The following TAF4 variants were observed in gnomAD, a reference collection of about 807,000 sequenced individuals.
The protein encoded by TAF4 is TATA-box binding protein associated factor 4, also known as transcription initiation factor TFIID subunit 4.
In TAF4, 9 loss-of-function variants were observed where a neutral mutation model predicts 90.3. That is an observed-to-expected ratio of 0.10 (90% CI 0.06 to 0.17). TAF4 has a LOEUF of 0.17. Ranked by LOEUF, TAF4 falls within the 10% of genes least tolerant of loss-of-function variation. The pLI, the probability that TAF4 is intolerant of heterozygous loss-of-function variation, is 1.00. For synonymous variants in TAF4, 818 were observed against 638.9 expected (o/e 1.28, Z -4.23); for missense variants, 1,351 against 1,370.7 (o/e 0.99, Z 0.23).
At chr20:62,000,000 G>C (rs112765820) in intron 11 of TAF4, 124 bp downstream of exon 11, 42 of 1,196,256 alleles carry the variant, frequency 3.5e-5, no homozygotes, top group Non-Finnish European at 4.9e-5. Flanking sequence ...AAACACGTTC[G>C]TAAGGAACAT....
chr20:62,038,158 G>A (rs1053888668), intron 1 of TAF4, among the ~76,000 whole-genome samples: 2 of 152,106 alleles, frequency 1.3e-5, no homozygotes, highest in Middle Eastern at 3.4e-3. Flanking sequence ...CCTCCAGGTG[G>A]CTGGGACTAC....
At chr20:62,000,069 C>T in intron 11 of TAF4, 55 bp downstream of exon 11, 1 of 1,613,598 alleles carries the variant, frequency 6.2e-7, no homozygotes. Flanking sequence ...TCCCAGCCAG[C>T]AGAGAGTGGG....
At chr20:62,056,426 T>C (rs1413167130) in intron 1 of TAF4, among the ~76,000 whole-genome samples, 1 of 152,158 alleles carries the variant, frequency 6.6e-6, no homozygotes, top group Non-Finnish European at 1.5e-5. Context: ...TTTAAAAGTG[T>C]AATCTGGTGG....
intron 1 of TAF4, among the ~76,000 whole-genome samples, chr20:62,056,974 G>A (rs572726542): frequency 5.3e-5 from 8 of 152,280 alleles, no homozygotes; most frequent in African/African-American, 1.7e-4. Context: ...CCAAAGCAAG[G>A]CAGGCCTGTG....
At chr20:62,034,179 A>T (rs1338779939) in intron 1 of TAF4, among the ~76,000 whole-genome samples, 1 of 152,262 alleles carries the variant, frequency 6.6e-6, no homozygotes, top group Admixed American at 6.5e-5. Flanking sequence ...TACAATTGTC[A>T]TTAATTGCAT....
At chr20:61,988,205 G>C (rs964203197) in intron 14 of TAF4, among the ~76,000 whole-genome samples, 9 of 152,164 alleles carry the variant, frequency 5.9e-5, no homozygotes, top group Non-Finnish European at 1.3e-4. Context: ...GGGAACTATG[G>C]AAGCTGGGTG....
chr20:62,026,069 G>A (rs1196856644), intron 1 of TAF4, among the ~76,000 whole-genome samples: 7 of 152,238 alleles, frequency 4.6e-5, no homozygotes, highest in African/African-American at 1.2e-4. Context: ...AACCCTCCCG[G>A]CAAAAAATAA....
chr20:62,021,666 T>C lies in TAF4; in HGVS notation c.1361-6959A>G, dbSNP rs1308072052. Among the ~76,000 whole-genome samples the C allele has an allele frequency of 2.0e-5, 3 of 152,198 alleles. 1 individual carries two copies. The highest frequency in any genetic ancestry group is 1.3e-4 in the Admixed American group (2 of 15,284). ...AGGTGGCTGTACAGGCAGGGCCATG[T>C]GGATACACGTTCCAAAGTGGTCCCC... On this transcript the variant is annotated intron_variant, in intron 1 of 14. Transcript: ENST00000252996.
At chr20:62,030,904 C>T (rs1323934938) in intron 1 of TAF4, among the ~76,000 whole-genome samples, 2 of 152,166 alleles carry the variant, frequency 1.3e-5, no homozygotes, top group Non-Finnish European at 2.9e-5. Flanking sequence ...ATACGATGGC[C>T]TCCTTCACCT....
At chr20:61,982,705 C>T (rs2055557900) in intron 14 of TAF4, among the ~76,000 whole-genome samples, 1 of 142,180 alleles carries the variant, frequency 7.0e-6, no homozygotes, top group African/African-American at 2.6e-5. Flanking sequence ...AAACCCACAC[C>T]CCACCCGAGA....
At chr20:62,048,924 A>T (rs1165563055) in intron 1 of TAF4, among the ~76,000 whole-genome samples, 1 of 97,756 alleles carries the variant, frequency 1.0e-5, no homozygotes, top group Non-Finnish European at 2.0e-5. Context: ...TTGGTCACCA[A>T]GCTCCATCGT....
intron 1 of TAF4, among the ~76,000 whole-genome samples, chr20:62,059,678 C>G (rs573718449): frequency 3.3e-5 from 5 of 152,340 alleles, no homozygotes; most frequent in African/African-American, 1.2e-4. Flanking sequence ...GCTGCCTGAG[C>G]CGGGCACCAC....
At chr20:62,060,112 G>A (rs1052467491) in intron 1 of TAF4, among the ~76,000 whole-genome samples, 11 of 152,324 alleles carry the variant, frequency 7.2e-5, no homozygotes, top group South Asian at 2.1e-4. Flanking sequence ...ATGTCTAAGG[G>A]GCAACTTCCA....
At chr20:62,053,632 A>G (rs1340685127) in intron 1 of TAF4, among the ~76,000 whole-genome samples, 2 of 152,202 alleles carry the variant, frequency 1.3e-5, no homozygotes, top group Admixed American at 1.3e-4. Flanking sequence ...CAGATCCACA[A>G]GGTCTCACCT....
chr20:62,003,701 T>C, intron 8 of TAF4, 30 bp downstream of exon 8: 1 of 1,550,580 alleles, frequency 6.4e-7, no homozygotes, highest in Non-Finnish European at 8.7e-7. Flanking sequence ...CCCTTGGTGT[T>C]GAGCGGCCAG....
At chr20:62,064,150 G>A (rs979415794) in intron 1 of TAF4, among the ~76,000 whole-genome samples, 4 of 152,214 alleles carry the variant, frequency 2.6e-5, no homozygotes, top group Non-Finnish European at 5.9e-5. Context: ...AGCAGGTAAG[G>A]ACCACTCCAC....
At chr20:62,057,111 C>CA (rs2056069075) in intron 1 of TAF4, among the ~76,000 whole-genome samples, 1 of 152,210 alleles carries the variant, frequency 6.6e-6, no homozygotes, top group Admixed American at 6.5e-5. Flanking sequence ...CACTTTACTG[C>CA]AAAGTCAGAA....
intron 9 of TAF4, among the ~76,000 whole-genome samples, chr20:62,001,957 G>A (rs1237439220): frequency 1.3e-5 from 2 of 152,160 alleles, no homozygotes; most frequent in Non-Finnish European, 2.9e-5. Flanking sequence ...CCAGGACCCT[G>A]CGGTGAACAA....
chr20:61,998,849 C>G lies in TAF4; in HGVS notation c.2913+134G>C, dbSNP rs1031023218. 8 of 1,118,420 alleles carry G rather than the reference C, an allele frequency of 7.2e-6. No individual in the cohort carries two copies. The African/African-American group carries it at 1.2e-4, about 17-fold the overall frequency. 69.3% of individuals were successfully genotyped at this position (1,118,420 alleles called of 1,614,324 possible). On this transcript the variant is annotated intron_variant, in intron 12 of 14. Transcript: ENST00000252996. ...CTTCTCTTTGCAGCTCCACTGACAGCACCCATCACCTTTGCTTCAAGGCCA... is the reference window on the plus strand; with the variant it reads ...CTTCTCTTTGCAGCTCCACTGACAGGACCCATCACCTTTGCTTCAAGGCCA...
Sources: gnomAD v4.1 joint callset for allele counts (sites outside exome capture counted in the v4.1 genomes callset) on GRCh38, gnomAD v4.1.1 for gene constraint, MANE v1.5 for transcripts, NCBI Gene and HGNC (gene_info 2026-07-23, HGNC 2026-07-21) for gene names.